HTR2C: variants seen among roughly 807,000 people sequenced by gnomAD.
The protein encoded by HTR2C is 5-hydroxytryptamine (serotonin) receptor 2C, G protein-coupled.
Under a neutral mutation model 21.0 loss-of-function variants are expected in HTR2C, and 5 were observed. The ratio of observed to expected loss-of-function variants is 0.24; its 90% CI spans 0.12 to 0.50. HTR2C has a LOEUF of 0.50. HTR2C is among the 20% of genes least tolerant of loss of function. The probability of loss-of-function intolerance (pLI) is 0.98; values close to 1 mark genes in which losing one functional copy is unlikely to be tolerated. For missense variants in HTR2C, 271 were observed against 371.2 expected (o/e 0.73, Z 2.22); for synonymous variants, 150 against 145.3 (o/e 1.03, Z -0.23).
chrX:114,885,026 G>T (rs1556480883), intron 5 of HTR2C, among the ~76,000 whole-genome samples: 1 of 110,434 alleles, frequency 9.1e-6, no homozygotes, highest in African/African-American at 3.3e-5. Flanking sequence ...CCTAACCAGA[G>T]GAGGGAGGGT....
chrX:114,597,963 A>G (rs960615873), intron 1 of HTR2C, among the ~76,000 whole-genome samples: 1 of 112,012 alleles, frequency 8.9e-6, no homozygotes, highest in African/African-American at 3.2e-5. Flanking sequence ...GTTACATTCA[A>G]TAATTGTTAA....
intron 4 of HTR2C, among the ~76,000 whole-genome samples, chrX:114,795,908 C>CAT (rs1472995514): frequency 1.8e-5 from 2 of 111,699 alleles, no homozygotes; most frequent in African/African-American, 3.2e-5. Flanking sequence ...GGATTTTTCT[C>CAT]ATATTTGTTG....
intron 5 of HTR2C, among the ~76,000 whole-genome samples, chrX:114,860,179 G>A (rs910253384): frequency 1.1e-4 from 12 of 111,616 alleles, no homozygotes; most frequent in Admixed American, 7.7e-4. Flanking sequence ...ACTTTTCTAT[G>A]TGTATTTTCT....
intron 2 of HTR2C, among the ~76,000 whole-genome samples, chrX:114,636,455 G>A (rs1331292338): frequency 8.9e-6 from 1 of 112,079 alleles, no homozygotes; most frequent in Non-Finnish European, 1.9e-5. Context: ...ATGAGCAAGA[G>A]AAAATTATTT....
In HTR2C at chrX:114,746,423, C is replaced by T. The variant is rs138005860; in HGVS notation, c.349+14816C>T. Among the ~76,000 whole-genome samples the T allele has an allele frequency of 1.4e-3, 158 of 111,487 alleles. 1 individual carries two copies. Among genetic ancestry groups the T allele is most frequent in the African/African-American group, 4.7e-3 (146 of 30,748 alleles). ...AAAGGGATAATACATTCTGATATAG[C>T]GGGCCCAACATTAAAAAATCAATTA... On this transcript the variant is annotated intron_variant, in intron 4 of 5. Coordinates refer to ENST00000276198, the MANE Select transcript of HTR2C (RefSeq NM_000868.4).
intron 4 of HTR2C, among the ~76,000 whole-genome samples, chrX:114,764,936 C>T (rs2069930170): frequency 0.028 from 733 of 26,224 alleles, 2 homozygotes; most frequent in East Asian, 0.072. Context: ...TTCCTTCCTT[C>T]CTTCCTTCCT....
At chrX:114,763,597 A>G (rs1202508775) in intron 4 of HTR2C, among the ~76,000 whole-genome samples, 2 of 111,406 alleles carry the variant, frequency 1.8e-5, no homozygotes, top group African/African-American at 6.5e-5. Flanking sequence ...TCTTGAGTCT[A>G]TACACTGATG....
intron 5 of HTR2C, among the ~76,000 whole-genome samples, chrX:114,897,757 T>C (rs782282717): frequency 8.9e-6 from 1 of 112,647 alleles, no homozygotes; most frequent in South Asian, 3.6e-4. Context: ...TATGGCTGCA[T>C]AGTATTCCGT....
At chrX:114,707,001 T>C (rs1932783474) in intron 2 of HTR2C, among the ~76,000 whole-genome samples, 3 of 111,582 alleles carry the variant, frequency 2.7e-5, no homozygotes, top group African/African-American at 9.8e-5. Context: ...TTTTTTCCTA[T>C]AGTTTATTAA....
chrX:114,739,025 ATAT>A (rs1569489594), intron 4 of HTR2C, among the ~76,000 whole-genome samples: 2 of 110,835 alleles, frequency 1.8e-5, no homozygotes, highest in African/African-American at 6.5e-5. Context: ...TAACATAAAA[ATAT>A]TAATTTAAAA....
At chrX:114,623,466 G>C (rs1249432809) in intron 2 of HTR2C, among the ~76,000 whole-genome samples, 5 of 112,160 alleles carry the variant, frequency 4.5e-5, no homozygotes, top group African/African-American at 1.6e-4. Flanking sequence ...AAAGTTTCTG[G>C]CATACAGAAG....
At chrX:114,707,406 T>A (rs954227698) in intron 2 of HTR2C, among the ~76,000 whole-genome samples, 7 of 107,896 alleles carry the variant, frequency 6.5e-5, no homozygotes, top group Non-Finnish European at 1.1e-4. Context: ...TTCTCAAAAA[T>A]AAATAAATAA....
chrX:114,796,141 C>A (rs1556445218), intron 4 of HTR2C, among the ~76,000 whole-genome samples: 1 of 111,460 alleles, frequency 9.0e-6, no homozygotes. Flanking sequence ...TAAGTAGCTG[C>A]AAACATCTGA....
rs1211094179 is a variant in HTR2C, at chrX:114,874,514, A to AT, written c.550+26323dup. Among the ~76,000 whole-genome samples the AT allele has an allele frequency of 3.5e-3, 362 of 104,126 alleles. 1 individual carries two copies. Among genetic ancestry groups the AT allele is most frequent in the East Asian group, 0.014 (45 of 3,319 alleles). 90.4% of individuals were successfully genotyped at this position (104,126 alleles called of 115,157 possible). A position where few individuals can be genotyped will look rare whatever the true frequency, so the allele number is the denominator to read the frequency against. On this transcript the variant is annotated intron_variant, in intron 5 of 5. Transcript: ENST00000276198. ...AGGTGACAGCTCAATATGGTTTTGT[A>AT]TTTTTTTTTTTTGAGGCGAAGTCTC...
intron 4 of HTR2C, among the ~76,000 whole-genome samples, chrX:114,811,077 G>T (rs1436856574): frequency 8.9e-6 from 1 of 111,850 alleles, no homozygotes; most frequent in East Asian, 2.8e-4. Context: ...AAGGCTTGGA[G>T]TTCTTGAAGT....
At chrX:114,617,945 A>G (rs1602640410) in intron 2 of HTR2C, among the ~76,000 whole-genome samples, 4 of 112,089 alleles carry the variant, frequency 3.6e-5, no homozygotes, top group Non-Finnish European at 7.5e-5. Context: ...GAGGTACTCA[A>G]TCAGGAATGC....
chrX:114,907,370 A>G lies in HTR2C; in HGVS notation c.1332A>G (p.Pro444=), dbSNP rs782618438. The change falls in exon 6 of 6, where the codon CCA becomes CCG. Residue 444 remains proline (P), a synonymous_variant. Transcript: ENST00000276198. Reference sequence around the variant, plus strand: ...TGCAAGTTGAGAATTTAGAGTTACCAGTAAATCCCTCCAGTGTGGTTAGCG... The same window carrying G: ...TGCAAGTTGAGAATTTAGAGTTACCGGTAAATCCCTCCAGTGTGGTTAGCG... ...IEMQVENLEL[P]VNPSSVVSER... The G allele has an allele frequency of 2.5e-6, 3 of 1,210,885 alleles. No individual in the cohort carries two copies. The Admixed American group carries it at 6.5e-5, about 26-fold the overall frequency.
At chrX:114,651,290 A>G (rs1420614104) in intron 2 of HTR2C, among the ~76,000 whole-genome samples, 5 of 111,763 alleles carry the variant, frequency 4.5e-5, no homozygotes, top group African/African-American at 1.6e-4. Flanking sequence ...CTGATAAGTT[A>G]TCCCAGTTGT....
At chrX:114,662,619 ATGAC>A (rs1303554033) in intron 2 of HTR2C, among the ~76,000 whole-genome samples, 3 of 111,985 alleles carry the variant, frequency 2.7e-5, no homozygotes, top group African/African-American at 9.7e-5. Context: ...TTTTTTCTAA[ATGAC>A]TGTGCAGACA....
Sources: gnomAD v4.1 joint callset for allele counts (sites outside exome capture counted in the v4.1 genomes callset) on GRCh38, gnomAD v4.1.1 for gene constraint, MANE v1.5 for transcripts, NCBI Gene and HGNC (gene_info 2026-07-23, HGNC 2026-07-21) for gene names.